Variants in PPARGC1A observed in about 807,000 individuals in gnomAD.
PPARGC1A encodes peroxisome proliferator-activated receptor gamma coactivator 1-alpha.
In PPARGC1A, 25 loss-of-function variants were observed where a neutral mutation model predicts 88.7. The observed-to-expected ratio is 0.28, with a 90% CI of 0.21 to 0.39. The LOEUF (loss-of-function observed/expected upper bound fraction) is 0.39. Among genes scored for constraint, PPARGC1A ranks in the 10% least tolerant of loss-of-function variants. The pLI, the probability that PPARGC1A is intolerant of heterozygous loss-of-function variation, is 1.00. For synonymous variants in PPARGC1A, 363 were observed against 355.6 expected, an observed-to-expected ratio of 1.02 and a Z score of -0.24; for missense variants, 880 against 968.7, an observed-to-expected ratio of 0.91 and a Z score of 1.22.
At chr4:24,237,446 C>T in the PPARGC1A span, among the ~76,000 whole-genome samples, 9 of 152,138 alleles carry the variant, frequency 5.9e-5, no homozygotes, top group Admixed American at 5.9e-4. Flanking sequence ...AACCAAATCT[C>T]CATTCCTCAT....
the PPARGC1A span, among the ~76,000 whole-genome samples, chr4:24,159,594 A>G: frequency 6.6e-6 from 1 of 152,162 alleles, no homozygotes; most frequent in Non-Finnish European, 1.5e-5. Context: ...CTCCAAACCA[A>G]TTCTCATCAC....
the PPARGC1A span, among the ~76,000 whole-genome samples, chr4:24,375,013 T>TAAAAA: frequency 0.014 from 1,793 of 127,364 alleles, 34 homozygotes; most frequent in African/African-American, 0.047. Context: ...CCCCCCACCC[T>TAAAAA]AAAAAAAAAA....
At chr4:24,126,258 G>A in the PPARGC1A span, among the ~76,000 whole-genome samples, 1 of 113,138 alleles carries the variant, frequency 8.8e-6, no homozygotes, top group East Asian at 2.9e-4. Context: ...GACTGGCCCT[G>A]GCTTCTCACC....
the PPARGC1A span, among the ~76,000 whole-genome samples, chr4:24,047,809 A>C: frequency 6.6e-6 from 1 of 152,200 alleles, no homozygotes; most frequent in African/African-American, 2.4e-5. Flanking sequence ...GAACCTACAC[A>C]GGGAAGCTAT....
chr4:23,798,436 A>C lies in PPARGC1A; in HGVS notation c.2294-2511T>G, dbSNP rs535966463. 1.7e-4 allele frequency among the ~76,000 whole-genome samples: 26 copies of C among 152,326 alleles called. 1 individual carries two copies. The South Asian group carries it at 5.4e-3, about 32-fold the overall frequency. On this transcript the variant is annotated intron_variant, in intron 12 of 12. Coordinates refer to ENST00000264867, the MANE Select transcript of PPARGC1A (RefSeq NM_013261.5). ...TAATCTCAAACACCAAAATATTATT[A>C]AAACCATGGTTGAAAATATTTATAT...
At chr4:23,958,376 A>G in the PPARGC1A span, among the ~76,000 whole-genome samples, 1 of 152,150 alleles carries the variant, frequency 6.6e-6, no homozygotes, top group Non-Finnish European at 1.5e-5. Context: ...GAGGTTATAA[A>G]TAGCCAATAA....
the PPARGC1A span, among the ~76,000 whole-genome samples, chr4:24,249,734 T>A: frequency 6.6e-6 from 1 of 152,198 alleles, no homozygotes; most frequent in Non-Finnish European, 1.5e-5. Flanking sequence ...CGTGGGGATA[T>A]CTGGGCTTGA....
intron 2 of PPARGC1A, among the ~76,000 whole-genome samples, chr4:23,868,586 A>G (rs193074928): frequency 9.8e-5 from 15 of 152,336 alleles, no homozygotes; most frequent in African/African-American, 3.4e-4. Context: ...GCACCTTGAG[A>G]GATTTAGCCA....
At chr4:23,913,704 C>T in the PPARGC1A span, among the ~76,000 whole-genome samples, 1 of 152,114 alleles carries the variant, frequency 6.6e-6, no homozygotes. Flanking sequence ...AGTAAACATG[C>T]GTTGAACAAA....
the PPARGC1A span, among the ~76,000 whole-genome samples, chr4:23,939,683 T>A: frequency 1.3e-5 from 2 of 152,100 alleles, no homozygotes; most frequent in Non-Finnish European, 2.9e-5. Context: ...GATCCCCAAT[T>A]CAACACTAAT....
chr4:24,356,264 A>T, the PPARGC1A span, among the ~76,000 whole-genome samples: 1 of 151,986 alleles, frequency 6.6e-6, no homozygotes, highest in Non-Finnish European at 1.5e-5. Context: ...TGTGAATTGC[A>T]CAGGGGAAGC....
chr4:24,451,631 G>A, the PPARGC1A span, among the ~76,000 whole-genome samples: 3 of 152,110 alleles, frequency 2.0e-5, no homozygotes, highest in African/African-American at 7.3e-5. Flanking sequence ...AGGCTGGAGT[G>A]CACTGGCACC....
the PPARGC1A span, among the ~76,000 whole-genome samples, chr4:24,361,496 A>T: frequency 1.3e-5 from 2 of 150,426 alleles, no homozygotes; most frequent in Non-Finnish European, 3.0e-5. Context: ...CTTCTGTTTG[A>T]CTCTCTCTGC....
chr4:24,468,133 T>C, the PPARGC1A span, among the ~76,000 whole-genome samples: 29 of 152,296 alleles, frequency 1.9e-4, no homozygotes, highest in African/African-American at 6.5e-4. Flanking sequence ...TGACAGCTAA[T>C]AAGGTGACCT....
intron 2 of PPARGC1A, among the ~76,000 whole-genome samples, chr4:23,844,089 G>T (rs1036236284): frequency 6.6e-6 from 1 of 150,732 alleles, no homozygotes; most frequent in African/African-American, 2.4e-5. Flanking sequence ...CTAGGAACTT[G>T]CATTTTAGTT....
At chr4:24,386,288 C>T in the PPARGC1A span, among the ~76,000 whole-genome samples, 1,969 of 152,216 alleles carry the variant, frequency 0.013, 41 homozygotes, top group African/African-American at 0.046. Flanking sequence ...CAATATCATA[C>T]TGAATGGGCA....
chr4:24,280,662 T>G, the PPARGC1A span, among the ~76,000 whole-genome samples: 1 of 152,336 alleles, frequency 6.6e-6, no homozygotes, highest in South Asian at 2.1e-4. Flanking sequence ...GAGCACACAT[T>G]TCTATGAAAA....
chr4:24,469,045 A>T, the PPARGC1A span, among the ~76,000 whole-genome samples: 1 of 152,186 alleles, frequency 6.6e-6, no homozygotes, highest in East Asian at 1.9e-4. Flanking sequence ...AGGATTTTTA[A>T]TTGAGGTAGA....
the PPARGC1A span, among the ~76,000 whole-genome samples, chr4:24,198,390 G>A: frequency 6.6e-6 from 1 of 152,160 alleles, no homozygotes; most frequent in East Asian, 1.9e-4. Context: ...TTACAGGGTC[G>A]CTGCTCCTAC....
Sources: allele counts gnomAD v4.1 joint callset (sites outside exome capture counted in the v4.1 genomes callset), GRCh38; gene constraint gnomAD v4.1.1; transcripts MANE v1.5; gene names NCBI Gene and HGNC (gene_info 2026-07-23, HGNC 2026-07-21).